Variants in ARSB observed in about 807,000 individuals in gnomAD.
ARSB encodes N-acetylgalactosamine-4-sulfatase.
In ARSB, 41 loss-of-function variants were observed where a neutral mutation model predicts 50.9. The observed-to-expected ratio is 0.81, with a 90% confidence interval of 0.63 to 1.04. The LOEUF is 1.04. Among genes scored for constraint, ARSB ranks in the 50% least tolerant of loss-of-function variants. ARSB has a pLI of 0.00. For synonymous variants in ARSB, 269 were observed against 284.8 expected, an observed-to-expected ratio of 0.94 and a Z score of 0.56; for missense variants, 672 against 693.3, an observed-to-expected ratio of 0.97 and a Z score of 0.35.
At chr5:78,845,126 T>C (rs1745386626) in intron 5 of ARSB, among the ~76,000 whole-genome samples, 1 of 151,806 alleles carries the variant, frequency 6.6e-6, no homozygotes, top group Non-Finnish European at 1.5e-5. Context: ...TATGAGAACA[T>C]GTGGTATTTA....
intron 4 of ARSB, among the ~76,000 whole-genome samples, chr5:78,939,517 G>C (rs1287927925): frequency 1.3e-5 from 2 of 152,010 alleles, no homozygotes; most frequent in Admixed American, 6.6e-5. Flanking sequence ...CCACCTATGA[G>C]TGAGAACATG....
chr5:78,781,697 C>T (rs546872787), intron 7 of ARSB, among the ~76,000 whole-genome samples, 155 bp downstream of exon 7: 11 of 152,244 alleles, frequency 7.2e-5, no homozygotes, highest in African/African-American at 2.2e-4. Context: ...AGGTGGGAAA[C>T]GGTTAGAACA....
chr5:78,819,366 T>G (rs992168274), intron 6 of ARSB, among the ~76,000 whole-genome samples: 1 of 152,248 alleles, frequency 6.6e-6, no homozygotes, highest in African/African-American at 2.4e-5. Flanking sequence ...TGTGAAACAA[T>G]GCAGTTGCTG....
intron 4 of ARSB, among the ~76,000 whole-genome samples, chr5:78,897,493 T>G (rs1481789423): frequency 6.6e-6 from 1 of 152,210 alleles, no homozygotes; most frequent in Non-Finnish European, 1.5e-5. Flanking sequence ...GGCCTAAACC[T>G]CTGTAAGCTT....
intron 5 of ARSB, among the ~76,000 whole-genome samples, chr5:78,849,368 A>C (rs1745628474): frequency 6.6e-6 from 1 of 152,092 alleles, no homozygotes; most frequent in Admixed American, 6.6e-5. Flanking sequence ...CAAAGATCAG[A>C]TAGTTGTAGG....
intron 6 of ARSB, among the ~76,000 whole-genome samples, chr5:78,810,919 C>A (rs1743782440): frequency 6.6e-6 from 1 of 152,152 alleles, no homozygotes; most frequent in Admixed American, 6.5e-5. Flanking sequence ...ACACAGAAGG[C>A]TTACTCAATA....
chr5:78,879,520 C>T (rs552113004), intron 5 of ARSB, among the ~76,000 whole-genome samples: 1 of 152,364 alleles, frequency 6.6e-6, no homozygotes, highest in South Asian at 2.1e-4. Context: ...ACTTCTGATG[C>T]TCTCAGCACA....
chr5:78,968,557 G>C (rs1471032617), intron 2 of ARSB, among the ~76,000 whole-genome samples: 1 of 151,984 alleles, frequency 6.6e-6, no homozygotes, highest in Non-Finnish European at 1.5e-5. Flanking sequence ...CACCGTGTTA[G>C]TCAGGATGGT....
At chr5:78,819,965 A>G (rs1744145921) in intron 6 of ARSB, among the ~76,000 whole-genome samples, 1 of 152,244 alleles carries the variant, frequency 6.6e-6, no homozygotes, top group Non-Finnish European at 1.5e-5. Flanking sequence ...AGGTGATGGC[A>G]TTAAGAGGTG....
chr5:78,836,936 G>A (rs1021616251), intron 6 of ARSB, among the ~76,000 whole-genome samples: 6 of 152,144 alleles, frequency 3.9e-5, no homozygotes, highest in African/African-American at 9.7e-5. Flanking sequence ...GGAAGAGAGC[G>A]AAGGGGGAGG....
chr5:78,888,101 T>C (rs1561483943), intron 4 of ARSB, among the ~76,000 whole-genome samples: 1 of 151,988 alleles, frequency 6.6e-6, no homozygotes, highest in Non-Finnish European at 1.5e-5. Context: ...AAACAATTCT[T>C]CAACACATGG....
At chr5:78,934,735 G>T (rs538444219) in intron 4 of ARSB, among the ~76,000 whole-genome samples, 9 of 152,198 alleles carry the variant, frequency 5.9e-5, no homozygotes, top group South Asian at 4.1e-4. Flanking sequence ...GGCAGAGGTT[G>T]CAATGAGCTG....
At chr5:78,836,304 G>A (rs923324792) in intron 6 of ARSB, among the ~76,000 whole-genome samples, 1 of 152,104 alleles carries the variant, frequency 6.6e-6, no homozygotes. Context: ...AGAGAACGCT[G>A]TGTGTGTGTG....
upstream of ARSB, chr5:78,985,333 T>G (rs1163072506): frequency 8.6e-7 from 1 of 1,164,006 alleles, no homozygotes; most frequent in African/African-American, 1.6e-5. Context: ...TGCCGGGGCC[T>G]GCTCCGCCCC....
chr5:78,868,593 T>G (rs1370636150), intron 5 of ARSB, among the ~76,000 whole-genome samples: 1 of 145,876 alleles, frequency 6.9e-6, no homozygotes, highest in Non-Finnish European at 1.5e-5. Context: ...AATAAAATAC[T>G]TTACAGACAA....
chr5:78,968,125 C>T (rs1274548971), intron 2 of ARSB, among the ~76,000 whole-genome samples: 1 of 151,790 alleles, frequency 6.6e-6, no homozygotes, highest in Non-Finnish European at 1.5e-5. Context: ...TTGGCCTCCT[C>T]ATTTTCCTTT....
intron 3 of ARSB, among the ~76,000 whole-genome samples, chr5:78,960,266 T>C (rs1751923189): frequency 6.6e-6 from 1 of 152,208 alleles, no homozygotes; most frequent in Non-Finnish European, 1.5e-5. Flanking sequence ...GTTCCTAAGA[T>C]ATATACTGTA....
At chr5:78,972,553 A>T (rs1268727838) in intron 1 of ARSB, among the ~76,000 whole-genome samples, 1 of 139,604 alleles carries the variant, frequency 7.2e-6, no homozygotes, top group African/African-American at 2.6e-5. Flanking sequence ...ACCCCAAATC[A>T]AAGTATTCTT....
intron 1 of ARSB, among the ~76,000 whole-genome samples, chr5:78,978,281 G>T (rs542383373): frequency 1.3e-5 from 2 of 150,230 alleles, no homozygotes; most frequent in South Asian, 4.2e-4. Context: ...AGAGGTTATA[G>T]TGAGCCAACA....
Sources: allele counts gnomAD v4.1 joint callset (sites outside exome capture counted in the v4.1 genomes callset), GRCh38; gene constraint gnomAD v4.1.1; transcripts MANE v1.5; gene names NCBI Gene and HGNC (gene_info 2026-07-23, HGNC 2026-07-21).